Variants in GABRG3 observed in about 807,000 individuals in gnomAD.
GABRG3 encodes the protein gamma-aminobutyric acid type A receptor subunit gamma3.
A neutral mutation model predicts 48.8 loss-of-function variants in GABRG3; 25 were observed. The observed-to-expected ratio is 0.51, with a 90% confidence interval of 0.37 to 0.72. The LOEUF is 0.72. GABRG3 is among the 30% of genes least tolerant of loss of function. The pLI is 0.00. For missense variants in GABRG3, 394 were observed against 577.9 expected (o/e 0.68, Z 3.26); for synonymous variants, 227 against 217.6 (o/e 1.04, Z -0.38).
intron 3 of GABRG3, among the ~76,000 whole-genome samples, chr15:27,114,516 G>A (rs535987234): frequency 2.4e-4 from 36 of 152,140 alleles, no homozygotes; most frequent in Non-Finnish European, 4.6e-4. Flanking sequence ...AACAGTCCCA[G>A]TATAACCATA....
chr15:27,068,195 G>A (rs143343044), intron 3 of GABRG3, among the ~76,000 whole-genome samples: 3 of 152,334 alleles, frequency 2.0e-5, no homozygotes, highest in Non-Finnish European at 4.4e-5. Flanking sequence ...TTACTCCACT[G>A]AAACATCACC....
chr15:27,199,458 C>T (rs1243536372), intron 3 of GABRG3, among the ~76,000 whole-genome samples: 4 of 152,142 alleles, frequency 2.6e-5, no homozygotes. Context: ...GGATATCTGT[C>T]CCTTCCAAAT....
chr15:27,289,647 C>T (rs915289250), intron 3 of GABRG3, among the ~76,000 whole-genome samples: 2 of 152,040 alleles, frequency 1.3e-5, no homozygotes, highest in African/African-American at 4.8e-5. Context: ...ATTCTGATAC[C>T]ACTGTACAGT....
chr15:26,971,618 G>A (rs1450707519), intron 1 of GABRG3, 30 bp downstream of exon 1: 1 of 1,519,056 alleles, frequency 6.6e-7, no homozygotes, highest in Non-Finnish European at 8.8e-7. Context: ...CATCCCCGGA[G>A]GCCCCGAGCT....
Position 27,500,861 on chromosome 15 carries a change from A to G in GABRG3, c.713-19111A>G, listed in dbSNP as rs550329357. Among the ~76,000 whole-genome samples, 184 of 151,584 alleles carry G rather than the reference A, an allele frequency of 1.2e-3. 1 individual carries two copies. The highest frequency in any genetic ancestry group is 1.3e-4 in the Non-Finnish European group (9 of 67,920). The stretch of plus-strand genomic sequence containing the variant: ...GCTGTTAAAAAAAAAAAATTAATCC[A>G]GGAATCTTATATAAGGGGGAATGGA... On this transcript the variant is annotated intron_variant, in intron 6 of 9. Transcript: ENST00000615808.
chr15:27,531,862 CT>C (rs1891431364), intron 9 of GABRG3, among the ~76,000 whole-genome samples: 1 of 152,144 alleles, frequency 6.6e-6, no homozygotes, highest in African/African-American at 2.4e-5. Context: ...CCCACTTGGA[CT>C]TTTCCACTGC....
At chr15:27,086,012 C>G (rs1427016971) in intron 3 of GABRG3, among the ~76,000 whole-genome samples, 1 of 152,018 alleles carries the variant, frequency 6.6e-6, no homozygotes, top group Non-Finnish European at 1.5e-5. Context: ...TGGCAGAGCT[C>G]AACGTAAGAA....
chr15:27,511,661 TC>T (rs1385365229), intron 6 of GABRG3, among the ~76,000 whole-genome samples: 11 of 152,122 alleles, frequency 7.2e-5, no homozygotes, highest in African/African-American at 2.7e-4. Context: ...GGACGAAGTG[TC>T]ATCACGGAAC....
At chr15:27,155,771 C>T (rs1898408265) in intron 3 of GABRG3, among the ~76,000 whole-genome samples, 2 of 152,206 alleles carry the variant, frequency 1.3e-5, no homozygotes, top group African/African-American at 4.8e-5. Context: ...GTACCTGCTT[C>T]CACGTGGTCT....
At chr15:27,363,276 A>C (rs1895082577) in intron 5 of GABRG3, 2 of 152,148 alleles carry the variant, frequency 1.3e-5, no homozygotes, top group Middle Eastern at 3.2e-3. Flanking sequence ...CAAGATCTTT[A>C]TATGTTAAGG....
chr15:27,381,213 A>G (rs1395725278), intron 5 of GABRG3, among the ~76,000 whole-genome samples: 1 of 152,176 alleles, frequency 6.6e-6, no homozygotes, highest in Non-Finnish European at 1.5e-5. Context: ...TCTTTCTCCA[A>G]CTTGGTTTGG....
intron 2 of GABRG3, among the ~76,000 whole-genome samples, chr15:27,001,888 G>GTTTT (rs60516105): frequency 1.6e-5 from 2 of 121,230 alleles, no homozygotes; most frequent in Non-Finnish European, 3.4e-5. Context: ...CCATAACTCA[G>GTTTT]TTTTTTTTTT....
chr15:27,051,648 C>G (rs1301554859), intron 3 of GABRG3, among the ~76,000 whole-genome samples: 1 of 152,212 alleles, frequency 6.6e-6, no homozygotes, highest in Admixed American at 6.5e-5. Context: ...TTTTTGGCAC[C>G]AGGGACCGGT....
At chr15:26,987,933 T>C (rs925399739) in intron 2 of GABRG3, among the ~76,000 whole-genome samples, 10 of 152,206 alleles carry the variant, frequency 6.6e-5, no homozygotes, top group African/African-American at 1.9e-4. Context: ...TAGTATTTAG[T>C]GTGGTATTTA....
chr15:27,351,555 GTGTGTGTATGGTGTA>G (rs1443794712), intron 5 of GABRG3, among the ~76,000 whole-genome samples: 3 of 144,696 alleles, frequency 2.1e-5, no homozygotes, highest in Non-Finnish European at 3.1e-5. Context: ...TATGGTGTTT[GTGTGTGTATGGTGTA>G]TGTGTGTATG....
rs563682686 is a variant in GABRG3, at chr15:27,508,833, C to G, written c.713-11139C>G. Among the ~76,000 whole-genome samples the G allele has an allele frequency of 1.4e-4, 22 of 152,224 alleles. No homozygotes were observed. In the South Asian group the frequency reaches 4.6e-3, roughly 32 times the overall value. ...GGTTCACGCCATTCTCTCACCCCAG[C>G]CTCCCGAGTAGCTGGGACCACAGGC... On this transcript the variant is annotated intron_variant, in intron 6 of 9. Coordinates refer to ENST00000615808, the MANE Select transcript of GABRG3 (RefSeq NM_033223.5).
intron 3 of GABRG3, among the ~76,000 whole-genome samples, chr15:27,079,919 G>A (rs187260251): frequency 1.1e-3 from 171 of 152,190 alleles, no homozygotes; most frequent in African/African-American, 4.0e-3. Context: ...TGGAAGAAAG[G>A]TATCCTCCCA....
intron 6 of GABRG3, among the ~76,000 whole-genome samples, chr15:27,495,660 T>C (rs191375509): frequency 2.0e-3 from 299 of 152,356 alleles, no homozygotes; most frequent in South Asian, 9.7e-3. Context: ...TTGTTTATCA[T>C]ACATTTCAAT....
chr15:27,026,973 TAAAAA>T, intron 3 of GABRG3, 152 bp downstream of exon 3: 2 of 466,708 alleles, frequency 4.3e-6, no homozygotes, highest in Middle Eastern at 3.6e-4. Context: ...TTGAAAATGG[TAAAAA>T]AAAAAATGAA....
Sources: allele counts gnomAD v4.1 joint callset (sites outside exome capture counted in the v4.1 genomes callset), GRCh38; gene constraint gnomAD v4.1.1; transcripts MANE v1.5; gene names NCBI Gene and HGNC (gene_info 2026-07-23, HGNC 2026-07-21).